SH3GL2: variants seen among roughly 807,000 people sequenced by gnomAD.
SH3GL2 encodes the protein endophilin-A1.
SH3GL2 carries 24 observed loss-of-function variants against 46.0 expected under a neutral mutation model. That is an observed-to-expected ratio of 0.52 (90% CI 0.38 to 0.73). The LOEUF (loss-of-function observed/expected upper bound fraction) is 0.73, where lower values mean the gene tolerates loss of function less well. SH3GL2 is among the 30% of genes least tolerant of loss of function. The pLI, the probability that SH3GL2 is intolerant of heterozygous loss-of-function variation, is 0.00. For synonymous variants in SH3GL2, 196 were observed against 147.1 expected (o/e 1.33, Z -2.40); for missense variants, 413 against 424.2 (o/e 0.97, Z 0.23).
At chr9:17,610,163 G>C (rs1304239925) in intron 1 of SH3GL2, among the ~76,000 whole-genome samples, 1 of 152,200 alleles carries the variant, frequency 6.6e-6, no homozygotes, top group East Asian at 1.9e-4. Flanking sequence ...TCCAAAGTTA[G>C]CTTCCTCAGG....
intron 1 of SH3GL2, among the ~76,000 whole-genome samples, chr9:17,715,419 T>C (rs1175172468): frequency 1.3e-5 from 2 of 151,900 alleles, no homozygotes; most frequent in Non-Finnish European, 2.9e-5. Flanking sequence ...CTCTCTCCAA[T>C]TCTTCTCTCC....
intron 1 of SH3GL2, among the ~76,000 whole-genome samples, chr9:17,722,741 T>A (rs1291785439): frequency 6.6e-6 from 1 of 152,146 alleles, no homozygotes; most frequent in East Asian, 1.9e-4. Context: ...ATAAGGCTTA[T>A]GCATACATTG....
intron 1 of SH3GL2, 84 bp from the exon 2 acceptor site, chr9:17,746,982 C>T: frequency 1.2e-6 from 1 of 863,796 alleles, no homozygotes; most frequent in Non-Finnish European, 1.9e-6. Context: ...CATTAGATGA[C>T]ATTTGTGAAA....
chr9:17,593,429 T>A (rs552727090), intron 1 of SH3GL2, among the ~76,000 whole-genome samples: 1 of 151,852 alleles, frequency 6.6e-6, no homozygotes, highest in East Asian at 1.9e-4. Context: ...AATGGGTTGC[T>A]GGTAGGGAGA....
intron 5 of SH3GL2, among the ~76,000 whole-genome samples, chr9:17,788,441 T>A (rs967948947): frequency 2.0e-5 from 3 of 152,174 alleles, no homozygotes; most frequent in Admixed American, 6.5e-5. Context: ...TTCCTTTTCA[T>A]TTTTTTAACT....
chr9:17,778,243 G>A (rs746188786), intron 3 of SH3GL2, among the ~76,000 whole-genome samples: 1 of 152,084 alleles, frequency 6.6e-6, no homozygotes, highest in Middle Eastern at 3.4e-3. Flanking sequence ...ATTTTTTTCA[G>A]TTATCTTCCA....
At position 17,765,262 on chromosome 9, in the gene SH3GL2, G is replaced by T. The variant is rs9407845; in HGVS notation, c.187+3753G>T. On this transcript the variant is annotated intron_variant, in intron 3 of 8. Transcript: ENST00000380607. The stretch of plus-strand genomic sequence containing the variant: ...CTGGCTTTCACATCTTGGGTTCATG[G>T]ACAGGCCAGGGGAATCAGTAGGATT... Among the ~76,000 whole-genome samples the T allele has an allele frequency of 1.9e-4, 19 of 98,594 alleles. 8 individuals carry two copies. The East Asian group carries it at 2.4e-3, about 12-fold the overall frequency. The allele number at this position is 98,594 out of a possible 152,430, so 64.7% of individuals were successfully genotyped here.
chr9:17,623,774 A>G (rs1435032467), intron 1 of SH3GL2, among the ~76,000 whole-genome samples: 3 of 151,838 alleles, frequency 2.0e-5, no homozygotes, highest in South Asian at 2.1e-4. Flanking sequence ...TTTTGAGGAT[A>G]TGTTACTATA....
chr9:17,791,922 A>G (rs9407878), intron 7 of SH3GL2, among the ~76,000 whole-genome samples: 13,926 of 152,270 alleles, frequency 0.091, 1,221 homozygotes, highest in African/African-American at 0.23. Flanking sequence ...GTAGTAGGAA[A>G]CTACCGTGTG....
intron 1 of SH3GL2, among the ~76,000 whole-genome samples, chr9:17,700,581 G>C (rs1563818289): frequency 6.6e-6 from 1 of 152,028 alleles, no homozygotes. Flanking sequence ...TTGTTCTTTA[G>C]CCAGATTCAT....
At chr9:17,749,033 A>G (rs1027474187) in intron 2 of SH3GL2, among the ~76,000 whole-genome samples, 1 of 152,198 alleles carries the variant, frequency 6.6e-6, no homozygotes, top group African/African-American at 2.4e-5. Flanking sequence ...GACCTCACTG[A>G]TGGATACCCA....
In SH3GL2 at chr9:17,587,440, G is replaced by A. The variant is rs74953463; in HGVS notation, c.45+8153G>A. On this transcript the variant is annotated intron_variant, in intron 1 of 8. Transcript: ENST00000380607. ...TTATATATATTTGGCCAGGTCTAAG[G>A]AGGGTTAGAGGAAATCTGCCCTCTT... Among the ~76,000 whole-genome samples, 632 of 152,314 alleles carry A rather than the reference G, an allele frequency of 4.1e-3. 8 individuals are homozygous for A. The highest frequency in any genetic ancestry group is 0.014 in the African/African-American group (602 of 41,572).
At chr9:17,584,329 C>G (rs1018346019) in intron 1 of SH3GL2, among the ~76,000 whole-genome samples, 2 of 152,050 alleles carry the variant, frequency 1.3e-5, no homozygotes, top group African/African-American at 4.8e-5. Flanking sequence ...AGTGAAACCT[C>G]GTCTCTACTA....
chr9:17,793,387 A>C lies in SH3GL2; in HGVS notation c.749A>C (p.Gln250Pro), dbSNP rs767397662. Residue 250 changes from glutamine (Q) to proline (P), a missense_variant, in exon 8 of 9, where the codon CAG (glutamine) becomes CCG (proline). Physicochemically the swap from Gln to Pro is moderately conservative, Grantham distance 76. Around this residue, in one of 3 missense-constraint regions of SH3GL2, gnomAD observed 248 missense variants for 215.0 expected, o/e 1.15. Coordinates refer to ENST00000380607, the MANE Select transcript of SH3GL2 (RefSeq NM_003026.5). ...LEERIRQASS[Q>P]PRREYQPKPR... ...TGCAGAATAAGACAGGCTTCATCTC[A>C]GCCTAGAAGGGAATATCAACCTAAA... The C allele has an allele frequency of 1.2e-6, 2 of 1,612,570 alleles. No individual in the cohort carries two copies. The highest frequency in any genetic ancestry group is 1.7e-5 in the Admixed American group (1 of 59,794).
rs1004203692 is a variant in SH3GL2, at chr9:17,607,330, G to A, written c.45+28043G>A. ...AACACCATCATAGCATTTGTGTATC[G>A]AAACATATTTAAATGTAGAAAAGAT... is the stretch of plus-strand genomic sequence containing the variant. On this transcript the variant is annotated intron_variant, in intron 1 of 8. Transcript: ENST00000380607. Among the ~76,000 whole-genome samples, 8 of 152,226 alleles carry A rather than the reference G, an allele frequency of 5.3e-5. No homozygotes were observed. In the South Asian group the frequency reaches 1.0e-3, roughly 20 times the overall value.
chr9:17,642,513 T>C (rs1819709377), intron 1 of SH3GL2, among the ~76,000 whole-genome samples: 1 of 152,216 alleles, frequency 6.6e-6, no homozygotes, highest in South Asian at 2.1e-4. Context: ...TTAATCCATC[T>C]TGAGTTAATT....
intron 1 of SH3GL2, among the ~76,000 whole-genome samples, chr9:17,626,944 G>A (rs944401238): frequency 3.9e-5 from 6 of 152,096 alleles, no homozygotes; most frequent in African/African-American, 1.4e-4. Context: ...CCCCATTACT[G>A]GTTCCCTGAG....
intron 1 of SH3GL2, among the ~76,000 whole-genome samples, chr9:17,619,684 A>C (rs1362134814): frequency 6.6e-6 from 1 of 150,836 alleles, no homozygotes; most frequent in African/African-American, 2.5e-5. Flanking sequence ...TCTCAAAAAA[A>C]AAATAAAATA....
intron 1 of SH3GL2, among the ~76,000 whole-genome samples, chr9:17,701,152 C>T (rs1055923295): frequency 5.3e-5 from 8 of 152,154 alleles, no homozygotes; most frequent in Non-Finnish European, 7.3e-5. Context: ...AGAGAATCCT[C>T]CCTCTGGTTT....
Sources: gnomAD v4.1 joint callset for allele counts (sites outside exome capture counted in the v4.1 genomes callset) on GRCh38, gnomAD v4.1.1 for gene constraint, gnomAD v4.1.1 regional missense constraint, MANE v1.5 for transcripts, NCBI Gene and HGNC (gene_info 2026-07-23, HGNC 2026-07-21) for gene names.